Variants in RBFOX1 observed in about 807,000 individuals in gnomAD.
The protein encoded by RBFOX1 is RNA binding protein fox-1 homolog 1.
Under a neutral mutation model 57.7 loss-of-function variants are expected in RBFOX1, and 8 were observed. The ratio of observed to expected loss-of-function variants is 0.14; its 90% CI spans 0.08 to 0.25. The LOEUF (loss-of-function observed/expected upper bound fraction) is 0.25. Ranked by LOEUF, RBFOX1 falls within the 10% of genes least tolerant of loss-of-function variation. The pLI is 1.00. For synonymous variants in RBFOX1, 326 were observed against 222.4 expected, an observed-to-expected ratio of 1.47 and a Z score of -4.15; for missense variants, 611 against 548.5, an observed-to-expected ratio of 1.11 and a Z score of -1.14.
chr16:7,225,533 C>T (rs1015026260), intron 4 of RBFOX1, among the ~76,000 whole-genome samples: 1 of 151,846 alleles, frequency 6.6e-6, no homozygotes, highest in Non-Finnish European at 1.5e-5. Context: ...AATTACCAGT[C>T]TCAAGTATGT....
intron 3 of RBFOX1, among the ~76,000 whole-genome samples, chr16:6,947,847 G>C (rs532410526): frequency 2.0e-5 from 3 of 152,226 alleles, no homozygotes; most frequent in Admixed American, 1.3e-4. Flanking sequence ...TGCAATCTTG[G>C]CTCACTGCAA....
intron 3 of RBFOX1, among the ~76,000 whole-genome samples, chr16:6,877,357 A>G (rs752449509): frequency 1.3e-5 from 2 of 152,194 alleles, no homozygotes; most frequent in Non-Finnish European, 2.9e-5. Flanking sequence ...GCAGAACACA[A>G]AAATGTAATT....
chr16:6,915,881 C>T (rs534574520), intron 3 of RBFOX1, among the ~76,000 whole-genome samples: 7 of 152,056 alleles, frequency 4.6e-5, no homozygotes, highest in East Asian at 1.9e-4. Context: ...GAATAATTCT[C>T]CTGAAGTGGA....
At chr16:6,977,761 A>G (rs1246675582) in intron 3 of RBFOX1, among the ~76,000 whole-genome samples, 1 of 152,096 alleles carries the variant, frequency 6.6e-6, no homozygotes, top group East Asian at 1.9e-4. Context: ...TCTCTGAAGA[A>G]AAGAAAGAAA....
At chr16:5,881,532 T>G (rs1299119460) in intron 4 of RBFOX1, among the ~76,000 whole-genome samples, 3 of 151,890 alleles carry the variant, frequency 2.0e-5, no homozygotes, top group African/African-American at 7.3e-5. Context: ...ATACAAAAAT[T>G]AGCTGGGTGT....
At chr16:6,796,174 G>T (rs6500836) in intron 3 of RBFOX1, among the ~76,000 whole-genome samples, 2 of 151,780 alleles carry the variant, frequency 1.3e-5, no homozygotes, top group African/African-American at 4.8e-5. Flanking sequence ...AAGAGAGCTT[G>T]TGCAGGGAAA....
In RBFOX1 at chr16:6,637,440, A is replaced by ATCC. The variant is rs2098453510; in HGVS notation, c.-63-17162_-63-17161insCCT. 2.6e-5 allele frequency among the ~76,000 whole-genome samples: 2 copies of ATCC among 77,394 alleles called. 1 individual carries two copies. The highest frequency in any genetic ancestry group is 1.0e-4 in the African/African-American group (2 of 20,012). 50.8% of individuals were successfully genotyped at this position (77,394 alleles called of 152,430 possible). On this transcript the variant is annotated intron_variant, in intron 2 of 15. Transcript: ENST00000550418. ...TAATATATAAATATATTATATAAAT[A>ATCC]TATGTAAATGTATATAATATGTATT...
chr16:7,349,320 G>C (rs137943790), intron 4 of RBFOX1, among the ~76,000 whole-genome samples: 20 of 152,270 alleles, frequency 1.3e-4, no homozygotes, highest in Non-Finnish European at 2.2e-4. Context: ...CCAAACGCAT[G>C]TCTAAGGCGC....
At chr16:5,457,923 T>C (rs751261258) in intron 1 of RBFOX1, among the ~76,000 whole-genome samples, 3 of 152,188 alleles carry the variant, frequency 2.0e-5, no homozygotes, top group Non-Finnish European at 2.9e-5. Flanking sequence ...ACGAAAGCCA[T>C]GACTGCCATT....
intron 3 of RBFOX1, among the ~76,000 whole-genome samples, chr16:6,843,023 A>C (rs906112827): frequency 9.2e-5 from 14 of 152,078 alleles, no homozygotes; most frequent in Non-Finnish European, 1.6e-4. Context: ...ATGGCTGCCT[A>C]GTATTCCATG....
chr16:5,553,614 C>T (rs1171726051), intron 2 of RBFOX1, among the ~76,000 whole-genome samples: 2 of 151,002 alleles, frequency 1.3e-5, no homozygotes, highest in Non-Finnish European at 2.9e-5. Context: ...CACGCCCAGC[C>T]ATGTCTGAAT....
chr16:7,073,691 A>T (rs1008025330), intron 4 of RBFOX1, among the ~76,000 whole-genome samples: 2 of 151,906 alleles, frequency 1.3e-5, no homozygotes, highest in Non-Finnish European at 2.9e-5. Context: ...AAAATAATAA[A>T]AAAAAATATA....
rs138169686 is a variant in RBFOX1, at chr16:6,482,192, C to G, written c.-64+165135C>G. 3.1e-4 allele frequency among the ~76,000 whole-genome samples: 47 copies of G among 152,298 alleles called. No individual in the cohort carries two copies. The East Asian group carries it at 6.6e-3, about 21-fold the overall frequency. On this transcript the variant is annotated intron_variant, in intron 2 of 15. Coordinates refer to ENST00000550418, the MANE Select transcript of RBFOX1 (RefSeq NM_018723.4). ...GCAGGAAGCCAATGAATATTTCACTCATTGTTGATCAAATATAGGAGGGAT... is the reference window on the plus strand; with the variant it reads ...GCAGGAAGCCAATGAATATTTCACTGATTGTTGATCAAATATAGGAGGGAT...
intron 13 of RBFOX1, among the ~76,000 whole-genome samples, 167 bp downstream of exon 13, chr16:7,665,135 C>T (rs575409534): frequency 8.5e-5 from 13 of 152,278 alleles, no homozygotes; most frequent in African/African-American, 3.1e-4. Flanking sequence ...TGCTCTTGAA[C>T]TTGTGGCAGA....
At chr16:5,553,603 C>T (rs1481199212) in intron 2 of RBFOX1, among the ~76,000 whole-genome samples, 1 of 151,148 alleles carries the variant, frequency 6.6e-6, no homozygotes, top group African/African-American at 2.5e-5. Flanking sequence ...GCGTGAGCCA[C>T]CACGCCCAGC....
chr16:6,772,425 C>T (rs113372866), intron 3 of RBFOX1, among the ~76,000 whole-genome samples: 54 of 146,902 alleles, frequency 3.7e-4, no homozygotes, highest in African/African-American at 1.1e-3. Flanking sequence ...TGCGCACGTG[C>T]GTGTGTGTGT....
intron 2 of RBFOX1, among the ~76,000 whole-genome samples, chr16:6,437,908 T>C (rs1457606021): frequency 6.6e-6 from 1 of 152,144 alleles, no homozygotes; most frequent in Non-Finnish European, 1.5e-5. Context: ...TAATTCAACA[T>C]GTGATTTGGG....
At chr16:6,478,694 A>G (rs1026527261) in intron 2 of RBFOX1, among the ~76,000 whole-genome samples, 1 of 151,768 alleles carries the variant, frequency 6.6e-6, no homozygotes, top group Non-Finnish European at 1.5e-5. Flanking sequence ...TAATTTCAAG[A>G]TTGTTGTGCC....
At chr16:6,854,449 T>C (rs12444215) in intron 3 of RBFOX1, among the ~76,000 whole-genome samples, 82,576 of 151,866 alleles carry the variant, frequency 0.54, 24,846 homozygotes, top group African/African-American at 0.81. Context: ...GGAAATTCAA[T>C]GGCATGTTAC....
Sources: allele counts gnomAD v4.1 joint callset (sites outside exome capture counted in the v4.1 genomes callset), GRCh38; gene constraint gnomAD v4.1.1; transcripts MANE v1.5; gene names NCBI Gene and HGNC (gene_info 2026-07-23, HGNC 2026-07-21).